Variants in ITGA9 observed in about 807,000 individuals in gnomAD.
ITGA9 encodes the protein integrin alpha-9.
ITGA9 carries 56 observed loss-of-function variants against 127.8 expected under a neutral mutation model. The ratio of observed to expected loss-of-function variants is 0.44; its 90% CI spans 0.35 to 0.55. ITGA9 has a LOEUF of 0.55. ITGA9 is among the 20% of genes least tolerant of loss of function. The pLI, the probability that ITGA9 is intolerant of heterozygous loss-of-function variation, is 0.00. For synonymous variants in ITGA9, 508 were observed against 514.5 expected (o/e 0.99, Z 0.17); for missense variants, 1,196 against 1,347.1 (o/e 0.89, Z 1.76).
intron 15 of ITGA9, among the ~76,000 whole-genome samples, chr3:37,579,821 A>C (rs1699688497): frequency 6.6e-6 from 1 of 152,042 alleles, no homozygotes; most frequent in African/African-American, 2.4e-5. Flanking sequence ...CACATGTTGG[A>C]GTTATAGCCC....
At position 37,473,702 on chromosome 3, in the gene ITGA9, A is replaced by G. The variant is rs181913057; in HGVS notation, c.420+242A>G. 4.6e-5 allele frequency among the ~76,000 whole-genome samples: 7 copies of G among 152,000 alleles called. No individual in the cohort carries two copies. The East Asian group carries it at 1.3e-3, about 29-fold the overall frequency. ...AACATATGTGAAAAGTGCTTTGTAC[A>G]TCTCATTCATTACATAGGTATTTGT... On this transcript the variant is annotated intron_variant, in intron 3 of 27. Transcript: ENST00000264741.
intron 15 of ITGA9, among the ~76,000 whole-genome samples, chr3:37,563,530 G>A (rs1237716486): frequency 6.6e-6 from 1 of 152,202 alleles, no homozygotes; most frequent in Non-Finnish European, 1.5e-5. Context: ...CATTCTGGAT[G>A]TGCCAGCACT....
chr3:37,542,321 G>A (rs1699281044), intron 14 of ITGA9, 104 bp from the exon 15 acceptor site: 2 of 1,204,630 alleles, frequency 1.7e-6, no homozygotes, highest in African/African-American at 1.5e-5. Flanking sequence ...TGGAAGGGTA[G>A]GTATCATATG....
intron 27 of ITGA9, 93 bp downstream of exon 27, chr3:37,804,035 G>A: frequency 2.5e-6 from 4 of 1,583,354 alleles, no homozygotes; most frequent in Admixed American, 3.3e-5. Flanking sequence ...TCCTGTTAGA[G>A]CTTCCTTCAT....
rs1700207609 is a variant in ITGA9 at position 37,629,289 on chromosome 3, C to A, written c.1792C>A (p.Pro598Thr). ...GGAGAGGGAACTGCCGCCTCTGACACCAGTTCTCCGCTGGAAAAAGGGACA... is the reference window on the plus strand; with the variant it reads ...GGAGAGGGAACTGCCGCCTCTGACAACAGTTCTCCGCTGGAAAAAGGGACA... ...EEERELPPLTPVLRWKKGQKI... is the reference protein window; with the variant it reads ...EEERELPPLTTVLRWKKGQKI... Residue 598 changes from proline to threonine, a missense_variant, in exon 16 of 28, where the codon CCA becomes ACA. Transcript: ENST00000264741. The surrounding 1 kb of genome is among the most constrained non-coding windows in gnomAD (Gnocchi z 4.5). 3.1e-6 allele frequency: 5 copies of A among 1,614,132 alleles called. No individual in the cohort carries two copies. Among genetic ancestry groups the A allele is most frequent in the Admixed American group, 1.7e-5 (1 of 60,028 alleles).
intron 15 of ITGA9, among the ~76,000 whole-genome samples, chr3:37,603,563 A>C (rs1257324358): frequency 6.6e-6 from 1 of 152,176 alleles, no homozygotes; most frequent in Non-Finnish European, 1.5e-5. Context: ...TAGGGAAGGG[A>C]TGTGTGATCT....
intron 3 of ITGA9, among the ~76,000 whole-genome samples, chr3:37,478,111 C>T (rs1049976452): frequency 3.9e-5 from 6 of 152,218 alleles, no homozygotes; most frequent in Non-Finnish European, 8.8e-5. Flanking sequence ...GCAGCCCCTT[C>T]CCAATGCCCC....
chr3:37,505,632 G>T lies in ITGA9; in HGVS notation c.743-368G>T, dbSNP rs183649300. 8.5e-5 allele frequency among the ~76,000 whole-genome samples: 13 copies of T among 152,312 alleles called. No individual in the cohort carries two copies. In the East Asian group the frequency reaches 2.5e-3, roughly 29 times the overall value. On this transcript the variant is annotated intron_variant, in intron 6 of 27. Transcript: ENST00000264741. Reference sequence around the variant, plus strand: ...GTGGTTATAGTCACTTCCTTGATCTGGGTGGTGGTTGCATGGCTACGCTCA... The same window carrying T: ...GTGGTTATAGTCACTTCCTTGATCTTGGTGGTGGTTGCATGGCTACGCTCA...
chr3:37,747,246 T>A (rs895232461), intron 22 of ITGA9, among the ~76,000 whole-genome samples: 6 of 152,212 alleles, frequency 3.9e-5, no homozygotes, highest in Non-Finnish European at 7.3e-5. Context: ...AGAATATTTT[T>A]AAATTTTTTT....
Position 37,789,604 on chromosome 3 carries a change from C to CAA in ITGA9, c.2889+4526_2889+4527insAA, listed in dbSNP as rs201164890. ...GTAACCCTGTCTCTACTAAAAAATA[C>CAA]CAAAAAAAAAAAAAATGAGCTGGGT... is the stretch of plus-strand genomic sequence containing the variant. On this transcript the variant is annotated intron_variant, in intron 26 of 27. Coordinates refer to ENST00000264741, the MANE Select transcript of ITGA9 (RefSeq NM_002207.3). 1.1e-3 allele frequency among the ~76,000 whole-genome samples: 151 copies of CAA among 137,820 alleles called. 4 individuals are homozygous for CAA. Among genetic ancestry groups the CAA allele is most frequent in the Middle Eastern group, 7.5e-3 (2 of 266 alleles). The allele number at this position is 137,820 out of a possible 152,430, so 90.4% of individuals were successfully genotyped here.
intron 15 of ITGA9, among the ~76,000 whole-genome samples, chr3:37,549,324 A>C (rs1412795232): frequency 6.6e-6 from 1 of 152,238 alleles, no homozygotes; most frequent in African/African-American, 2.4e-5. Context: ...TAGCAAAGGA[A>C]GGCACAAAAA....
intron 13 of ITGA9, among the ~76,000 whole-genome samples, chr3:37,530,641 G>A (rs1699140464): frequency 6.7e-6 from 1 of 149,130 alleles, no homozygotes; most frequent in Non-Finnish European, 1.5e-5. Flanking sequence ...ATCCCAACTG[G>A]TTGTATTATT....
At chr3:37,746,517 T>C (rs2844372) in intron 22 of ITGA9, among the ~76,000 whole-genome samples, 1 of 152,224 alleles carries the variant, frequency 6.6e-6, no homozygotes, top group Non-Finnish European at 1.5e-5. Flanking sequence ...AGACATTTGT[T>C]AAAAATAAAG....
At chr3:37,466,555 GGAGGA>G (rs910840757) in intron 1 of ITGA9, among the ~76,000 whole-genome samples, 1 of 149,576 alleles carries the variant, frequency 6.7e-6, no homozygotes, top group Non-Finnish European at 1.5e-5. Flanking sequence ...GGATGGGATA[GGAGGA>G]GAGAGCCTTG....
At position 37,818,976 on chromosome 3, in the gene ITGA9, A is replaced by G. The variant is rs1414994033; in HGVS notation, c.3095A>G (p.Gln1032Arg). 6.2e-7 allele frequency: 1 copy of G among 1,612,252 alleles called. No individual in the cohort carries two copies. ...AATGAAGACAGTTGGGACTGGGTCC[A>G]GAAAAACCAGTGAGCTGCCACACCA... is the stretch of plus-strand genomic sequence containing the variant. ...KENEDSWDWVQKNQ is the reference protein window; with the variant it reads ...KENEDSWDWVRKNQ The change falls in exon 28 of 28, where the codon CAG becomes CGG. Residue 1032 changes from glutamine (Q) to arginine (R), a missense_variant. Transcript: ENST00000264741.
At chr3:37,492,145 A>C (rs1698679939) in intron 4 of ITGA9, among the ~76,000 whole-genome samples, 1 of 152,230 alleles carries the variant, frequency 6.6e-6, no homozygotes, top group African/African-American at 2.4e-5. Context: ...AATGACAGTC[A>C]CAGAAGTTTC....
rs1167493295 is a variant in ITGA9 at position 37,512,061 on chromosome 3, TTTCTTTCTTTCTTTCCTTCC to T, written c.898-1698_898-1679del. On this transcript the variant is annotated intron_variant, in intron 8 of 27. Coordinates refer to ENST00000264741, the MANE Select transcript of ITGA9 (RefSeq NM_002207.3). ...CTTTCTTTCTTTCTTTCTTTCTTTC[TTTCTTTCTTTCTTTCCTTCC>T]TTCCTTCCTTCCTTCCTTCCTTCCT... Among the ~76,000 whole-genome samples the T allele has an allele frequency of 1.0e-3, 74 of 73,064 alleles. 2 individuals are homozygous for T. The highest frequency in any genetic ancestry group is 1.6e-3 in the Admixed American group (8 of 4,866). The allele number at this position is 73,064 out of a possible 152,430, so 47.9% of individuals were successfully genotyped here. A position where few individuals can be genotyped will look rare whatever the true frequency, so the allele number is the denominator to read the frequency against.
intron 13 of ITGA9, among the ~76,000 whole-genome samples, chr3:37,531,597 G>A (rs1200323098): frequency 6.6e-6 from 1 of 152,124 alleles, no homozygotes; most frequent in Admixed American, 6.5e-5. Context: ...TGATGGGGCG[G>A]GCTAGGCTTT....
At chr3:37,543,990 G>A (rs1699301482) in intron 15 of ITGA9, among the ~76,000 whole-genome samples, 1 of 152,256 alleles carries the variant, frequency 6.6e-6, no homozygotes, top group African/African-American at 2.4e-5. Flanking sequence ...CTTTGGTGGG[G>A]TGTGAGGCTG....
Sources: allele counts gnomAD v4.1 joint callset (sites outside exome capture counted in the v4.1 genomes callset), GRCh38; gene constraint gnomAD v4.1.1; non-coding constraint Gnocchi (gnomAD v3.1); transcripts MANE v1.5; gene names NCBI Gene and HGNC (gene_info 2026-07-23, HGNC 2026-07-21).